The following ALK variants were observed in gnomAD, a reference collection of about 807,000 sequenced individuals.
The protein encoded by ALK is ALK tyrosine kinase receptor.
In ALK, 74 loss-of-function variants were observed where a neutral mutation model predicts 163.1. The observed-to-expected ratio is 0.45, with a 90% confidence interval of 0.38 to 0.55. The LOEUF is 0.55. ALK is among the 20% of genes least tolerant of loss of function. ALK has a pLI of 0.00. For synonymous variants in ALK, 960 were observed against 843.2 expected (o/e 1.14, Z -2.40); for missense variants, 2,063 against 2,105.3 (o/e 0.98, Z 0.39).
At chr2:29,708,804 G>C (rs1426329548) in intron 2 of ALK, among the ~76,000 whole-genome samples, 1 of 152,130 alleles carries the variant, frequency 6.6e-6, no homozygotes, top group East Asian at 1.9e-4. Flanking sequence ...CTCTAGGCCT[G>C]TTTCCTCATC....
Position 29,282,386 on chromosome 2 carries a change from A to G in ALK, c.1818-6890T>C, listed in dbSNP as rs567303241. 5.9e-5 allele frequency among the ~76,000 whole-genome samples: 9 copies of G among 152,266 alleles called. No individual in the cohort carries two copies. In the South Asian group the frequency reaches 1.9e-3, roughly 32 times the overall value. ...CTGTATAATGGACTTCAGCTCTAAG[A>G]TGAAGATGGGAGCTGATGGACCGCT... On this transcript the variant is annotated intron_variant, in intron 9 of 28. Coordinates refer to ENST00000389048, the MANE Select transcript of ALK (RefSeq NM_004304.5).
chr2:29,399,158 C>T (rs932773276), intron 4 of ALK, among the ~76,000 whole-genome samples: 1 of 152,200 alleles, frequency 6.6e-6, no homozygotes, highest in Non-Finnish European at 1.5e-5. Context: ...GAATTCTTCA[C>T]AGTTATCTCA....
At chr2:29,826,820 A>C (rs1665215522) in intron 1 of ALK, among the ~76,000 whole-genome samples, 1 of 152,250 alleles carries the variant, frequency 6.6e-6, no homozygotes, top group African/African-American at 2.4e-5. Flanking sequence ...ATTTGCCATA[A>C]GGAACAAAAA....
intron 1 of ALK, among the ~76,000 whole-genome samples, chr2:29,804,253 T>A (rs1025051944): frequency 6.6e-6 from 1 of 152,362 alleles, no homozygotes; most frequent in Middle Eastern, 3.4e-3. Context: ...CTGTTGCCAC[T>A]GGCCCCACAG....
intron 6 of ALK, among the ~76,000 whole-genome samples, chr2:29,326,605 G>A (rs1277550095): frequency 3.9e-5 from 6 of 152,258 alleles, no homozygotes; most frequent in Admixed American, 1.3e-4. Context: ...GGCCAGGAGC[G>A]GAACAGAACA....
At chr2:29,621,233 G>T (rs1418100798) in intron 3 of ALK, among the ~76,000 whole-genome samples, 1 of 151,596 alleles carries the variant, frequency 6.6e-6, no homozygotes, top group Non-Finnish European at 1.5e-5. Context: ...ATGTTTTTCT[G>T]AGGTGAGAAA....
chr2:29,393,706 T>C (rs540895738), intron 4 of ALK, among the ~76,000 whole-genome samples: 1 of 152,372 alleles, frequency 6.6e-6, no homozygotes, highest in South Asian at 2.1e-4. Context: ...TCTTTTGTCC[T>C]AGGAGTGTCC....
At chr2:29,485,703 C>T (rs79170448) in intron 4 of ALK, among the ~76,000 whole-genome samples, 1 of 152,198 alleles carries the variant, frequency 6.6e-6, no homozygotes, top group African/African-American at 2.4e-5. Flanking sequence ...CTTCCCCAGC[C>T]AGGCTCACCC....
chr2:29,386,739 T>C (rs1447011788), intron 4 of ALK, among the ~76,000 whole-genome samples: 2 of 152,246 alleles, frequency 1.3e-5, no homozygotes, highest in Admixed American at 6.5e-5. Flanking sequence ...TGGCCTCCCA[T>C]AGTTTACTGC....
At chr2:29,901,308 C>G (rs1033416362) in intron 1 of ALK, among the ~76,000 whole-genome samples, 1 of 152,186 alleles carries the variant, frequency 6.6e-6, no homozygotes, top group African/African-American at 2.4e-5. Context: ...TCTCCAATCC[C>G]CCTTCTCATC....
chr2:29,784,076 CGAGACA>C (rs1663929069), intron 1 of ALK, among the ~76,000 whole-genome samples: 1 of 150,024 alleles, frequency 6.7e-6, no homozygotes, highest in African/African-American at 2.5e-5. Context: ...AACGAGAGAG[CGAGACA>C]GAGACAGAGA....
chr2:29,735,976 C>G (rs1012351239), intron 1 of ALK, among the ~76,000 whole-genome samples: 1 of 151,988 alleles, frequency 6.6e-6, no homozygotes, highest in Admixed American at 6.6e-5. Context: ...TTATAATTAC[C>G]CCTATTTTGC....
At chr2:29,200,916 T>C (rs948197924) in intron 26 of ALK, among the ~76,000 whole-genome samples, 1 of 151,016 alleles carries the variant, frequency 6.6e-6, no homozygotes, top group Admixed American at 6.6e-5. Context: ...AAACTTGCTC[T>C]GCCTGGAATG....
chr2:29,596,503 T>G (rs978208627), intron 3 of ALK, among the ~76,000 whole-genome samples: 4 of 151,918 alleles, frequency 2.6e-5, no homozygotes, highest in African/African-American at 9.7e-5. Flanking sequence ...GACTAGAAGG[T>G]GAGGAGAGTA....
intron 1 of ALK, among the ~76,000 whole-genome samples, chr2:29,742,141 G>A (rs531740146): frequency 1.3e-5 from 2 of 152,238 alleles, no homozygotes; most frequent in Non-Finnish European, 2.9e-5. Context: ...GTGTGACTGC[G>A]AGTGAACAGG....
chr2:29,212,439 G>A (rs902078471), intron 24 of ALK, among the ~76,000 whole-genome samples: 6 of 152,220 alleles, frequency 3.9e-5, no homozygotes, highest in Non-Finnish European at 8.8e-5. Context: ...AGATGGTAAA[G>A]CTAGGCCCAG....
At chr2:29,495,157 G>A (rs958734693) in intron 4 of ALK, among the ~76,000 whole-genome samples, 3 of 152,248 alleles carry the variant, frequency 2.0e-5, no homozygotes, top group African/African-American at 4.8e-5. Flanking sequence ...CTTAGGAAGT[G>A]AGCCAGCTCC....
chr2:29,835,082 G>A (rs1665522278), intron 1 of ALK, among the ~76,000 whole-genome samples: 1 of 152,184 alleles, frequency 6.6e-6, no homozygotes, highest in Admixed American at 6.5e-5. Context: ...TGGTGACAAA[G>A]AAACAAGCAA....
chr2:29,834,940 A>T (rs1665518213), intron 1 of ALK, among the ~76,000 whole-genome samples: 1 of 152,254 alleles, frequency 6.6e-6, no homozygotes, highest in Non-Finnish European at 1.5e-5. Flanking sequence ...AAGAGCACAA[A>T]GGCAGTGTAA....
Sources: gnomAD v4.1 joint callset for allele counts (sites outside exome capture counted in the v4.1 genomes callset) on GRCh38, gnomAD v4.1.1 for gene constraint, MANE v1.5 for transcripts, NCBI Gene and HGNC (gene_info 2026-07-23, HGNC 2026-07-21) for gene names.